DMD: variants seen among roughly 807,000 people sequenced by gnomAD.
DMD encodes mutant dystrophin.
A neutral mutation model predicts 330.1 loss-of-function variants in DMD; 63 were observed. The ratio of observed to expected loss-of-function variants is 0.19; its 90% CI spans 0.16 to 0.24. DMD has a LOEUF of 0.24. DMD is among the 10% of genes least tolerant of loss of function. The pLI is 1.00. For synonymous variants in DMD, 1,223 were observed against 959.8 expected (o/e 1.27, Z -5.07); for missense variants, 3,344 against 2,684.1 (o/e 1.25, Z -5.43).
rs761569710 is a variant in DMD at position 31,214,937 on chromosome X, C to CTTTTTTTT, written c.9362-5246_9362-5239dup. 7.7e-3 allele frequency among the ~76,000 whole-genome samples: 294 copies of CTTTTTTTT among 38,065 alleles called. 12 individuals carry two copies. The highest frequency in any genetic ancestry group is 0.012 in the African/African-American group (101 of 8,668). 33.1% of individuals were successfully genotyped at this position (38,065 alleles called of 115,157 possible). ...AAAGATACTTTTTTATTTCTTTTTT[C>CTTTTTTTT]TTTTTTTTTTTTTTTTTTTTTTGAG... On this transcript the variant is annotated intron_variant, in intron 64 of 78. Coordinates refer to ENST00000357033, the MANE Select transcript of DMD (RefSeq NM_004006.3).
At chrX:33,273,811 G>C (rs756512870) in intron 1 of DMD, among the ~76,000 whole-genome samples, 1 of 112,133 alleles carries the variant, frequency 8.9e-6, no homozygotes, top group African/African-American at 3.2e-5. Flanking sequence ...GTAAATATGA[G>C]AGGCAATTTG....
At chrX:32,617,579 CTTAAAT>C (rs1410173590) in intron 11 of DMD, among the ~76,000 whole-genome samples, 1 of 111,140 alleles carries the variant, frequency 9.0e-6, no homozygotes, top group Non-Finnish European at 1.9e-5. Flanking sequence ...GGATTAAAAA[CTTAAAT>C]TTAAGACTCA....
At chrX:33,043,467 G>GA (rs1432178509) in intron 1 of DMD, among the ~76,000 whole-genome samples, 7 of 110,914 alleles carry the variant, frequency 6.3e-5, no homozygotes, top group Admixed American at 3.8e-4. Context: ...CACAGTGAAA[G>GA]AAACAAACAG....
At chrX:31,325,086 A>G (rs1341224302) in intron 61 of DMD, among the ~76,000 whole-genome samples, 2 of 111,934 alleles carry the variant, frequency 1.8e-5, no homozygotes, top group Non-Finnish European at 3.8e-5. Context: ...CAGAGAAAAA[A>G]GACATTTAGC....
chrX:32,621,331 T>C (rs1271586199), intron 11 of DMD, among the ~76,000 whole-genome samples: 1 of 111,407 alleles, frequency 9.0e-6, no homozygotes, highest in Non-Finnish European at 1.9e-5. Flanking sequence ...TAGCCTACCT[T>C]AATCTGTGGG....
chrX:33,012,894 A>T (rs769469909), intron 2 of DMD, among the ~76,000 whole-genome samples: 47 of 111,398 alleles, frequency 4.2e-4, no homozygotes, highest in Non-Finnish European at 8.1e-4. Context: ...CATTTGTATT[A>T]GAAATCATTC....
intron 59 of DMD, among the ~76,000 whole-genome samples, chrX:31,470,577 G>A (rs769317200): frequency 8.9e-6 from 1 of 112,227 alleles, no homozygotes; most frequent in African/African-American, 3.2e-5. Context: ...GTATGAGGGT[G>A]TCTGTCAACC....
chrX:32,624,482 C>T (rs1208331369), intron 11 of DMD, among the ~76,000 whole-genome samples: 1 of 111,832 alleles, frequency 8.9e-6, no homozygotes, highest in African/African-American at 3.3e-5. Flanking sequence ...TCTCTAGCGT[C>T]AACGACATTT....
At chrX:31,385,478 G>C (rs1486324290) in intron 60 of DMD, among the ~76,000 whole-genome samples, 1 of 111,800 alleles carries the variant, frequency 8.9e-6, no homozygotes, top group Non-Finnish European at 1.9e-5. Context: ...TATATTAATA[G>C]ATTTAATTTG....
intron 76 of DMD, among the ~76,000 whole-genome samples, chrX:31,135,702 C>A (rs1473244281): frequency 8.9e-6 from 1 of 112,512 alleles, no homozygotes; most frequent in East Asian, 2.8e-4. Context: ...TAGGTGCAAA[C>A]AAAATTAAAC....
At chrX:31,173,876 G>A (rs1163286720) in intron 71 of DMD, among the ~76,000 whole-genome samples, 1 of 111,720 alleles carries the variant, frequency 9.0e-6, no homozygotes, top group African/African-American at 3.2e-5. Flanking sequence ...AAGGTTGGGG[G>A]AGACAGTTTC....
At chrX:31,679,090 G>C (rs910508564) in intron 53 of DMD, among the ~76,000 whole-genome samples, 1 of 110,221 alleles carries the variant, frequency 9.1e-6, no homozygotes, top group African/African-American at 3.3e-5. Context: ...GGTGGTACAC[G>C]CCTGGCTAGT....
intron 42 of DMD, among the ~76,000 whole-genome samples, chrX:32,297,252 TTTATTTATTTATTTATTTA>T (rs2097501157): frequency 1.9e-5 from 2 of 102,947 alleles, no homozygotes; most frequent in African/African-American, 7.5e-5. Context: ...TATTTATTTA[TTTATTTATTTATTTATTTA>T]TTATTTATTT....
chrX:33,180,843 CTT>C (rs3990972), intron 1 of DMD, among the ~76,000 whole-genome samples: 49,353 of 84,657 alleles, frequency 0.58, 14,137 homozygotes, highest in Non-Finnish European at 0.79. Context: ...TGTCTAAGAG[CTT>C]TTTTTTTTTT....
At chrX:32,450,207 T>G (rs1315649767) in intron 26 of DMD, among the ~76,000 whole-genome samples, 1 of 110,649 alleles carries the variant, frequency 9.0e-6, no homozygotes, top group Non-Finnish European at 1.9e-5. Flanking sequence ...ATGCGGTGGT[T>G]AAGGTAAGGG....
chrX:31,462,335 C>T (rs1357970527), intron 59 of DMD, among the ~76,000 whole-genome samples: 1 of 110,919 alleles, frequency 9.0e-6, no homozygotes, highest in Non-Finnish European at 1.9e-5. Context: ...CAAAAATTAG[C>T]CAGGCGTGGC....
chrX:33,195,816 T>A (rs1317904549), intron 1 of DMD, among the ~76,000 whole-genome samples: 1 of 108,608 alleles, frequency 9.2e-6, no homozygotes, highest in Non-Finnish European at 1.9e-5. Context: ...ATCTGAATGA[T>A]GCCTGAGTTT....
chrX:31,629,108 G>A (rs904763738), intron 54 of DMD, among the ~76,000 whole-genome samples: 20 of 110,778 alleles, frequency 1.8e-4, no homozygotes, highest in African/African-American at 5.9e-4. Flanking sequence ...TGTCTTATTT[G>A]CCTTCTATTA....
intron 7 of DMD, among the ~76,000 whole-genome samples, chrX:32,744,188 T>C (rs1028556409): frequency 1.3e-4 from 14 of 109,544 alleles, no homozygotes; most frequent in African/African-American, 4.0e-4. Flanking sequence ...ATAACCATTC[T>C]TACAATTTTT....
Sources: gnomAD v4.1 joint callset for allele counts (sites outside exome capture counted in the v4.1 genomes callset) on GRCh38, gnomAD v4.1.1 for gene constraint, MANE v1.5 for transcripts, NCBI Gene and HGNC (gene_info 2026-07-23, HGNC 2026-07-21) for gene names.